C9orf153: variants seen among roughly 807,000 people sequenced by gnomAD.
C9orf153 encodes chromosome 9 open reading frame 153, also known as uncharacterized protein C9orf153.
A neutral mutation model predicts 9.0 loss-of-function variants in C9orf153; 10 were observed. The observed-to-expected ratio is 1.11, with a 90% CI of 0.69 to 1.89. C9orf153 has a LOEUF of 1.89. Among genes scored for constraint, C9orf153 ranks in the 40% most tolerant of loss-of-function variants. The pLI, the probability that C9orf153 is intolerant of heterozygous loss-of-function variation, is 0.00. For missense variants in C9orf153, 108 were observed against 111.0 expected, an observed-to-expected ratio of 0.97 and a Z score of 0.12; for synonymous variants, 35 against 37.3, an observed-to-expected ratio of 0.94 and a Z score of 0.23.
intron 1 of C9orf153, among the ~76,000 whole-genome samples, chr9:86,247,955 G>A (rs1055302400): frequency 1.3e-5 from 2 of 152,140 alleles, no homozygotes; most frequent in East Asian, 1.9e-4. Context: ...AAGCTGGCAG[G>A]AGGCTCTGCA....
At chr9:86,256,765 A>G (rs1825130196) in intron 1 of C9orf153, among the ~76,000 whole-genome samples, 1 of 152,202 alleles carries the variant, frequency 6.6e-6, no homozygotes, top group Non-Finnish European at 1.5e-5. Context: ...CAGCTGATAA[A>G]TTACCTAAAA....
At chr9:86,236,186 G>A (rs937384215) in intron 1 of C9orf153, among the ~76,000 whole-genome samples, 1 of 152,070 alleles carries the variant, frequency 6.6e-6, no homozygotes, top group Non-Finnish European at 1.5e-5. Flanking sequence ...GAATGAAATG[G>A]TTAAAGTGTT....
chr9:86,236,269 G>T (rs1824584029), intron 1 of C9orf153, among the ~76,000 whole-genome samples: 1 of 152,020 alleles, frequency 6.6e-6, no homozygotes, highest in Non-Finnish European at 1.5e-5. Context: ...AGAGAGAGAG[G>T]GCCAGGCGTG....
At position 86,227,922 on chromosome 9, in the gene C9orf153, T is replaced by C. The variant is rs1370817809; in HGVS notation, c.175A>G (p.Arg59Gly). 6.2e-7 allele frequency: 1 copy of C among 1,613,946 alleles called. No homozygotes were observed. Among genetic ancestry groups the C allele is most frequent in the East Asian group, 2.2e-5 (1 of 44,854 alleles). The change falls in exon 3 of 4, where the codon AGA (arginine) becomes GGA (glycine). Residue 59 changes from arginine to glycine, a missense_variant. Arg to Gly is a moderately radical substitution (Grantham distance 125, BLOSUM62 -2). Coordinates refer to ENST00000339137, the MANE Select transcript of C9orf153 (RefSeq NM_001276366.4). The stretch of plus-strand genomic sequence containing the variant: ...GTGAATGACATGACATTCAGGTTTC[T>C]AGCAAGTACTTCCTGTGCTTCGTTA... ...SLNEAQEVLA[R>G]NLNVMSFTRG...
chr9:86,255,118 C>T (rs1434638403), intron 1 of C9orf153, among the ~76,000 whole-genome samples: 1 of 151,648 alleles, frequency 6.6e-6, no homozygotes, highest in Non-Finnish European at 1.5e-5. Context: ...AATATATGGA[C>T]AATATATTTA....
At chr9:86,231,499 G>A (rs1824468119) in intron 1 of C9orf153, among the ~76,000 whole-genome samples, 1 of 150,606 alleles carries the variant, frequency 6.6e-6, no homozygotes, top group Non-Finnish European at 1.5e-5. Context: ...GGAATGAAGT[G>A]AAAACAATTA....
At chr9:86,238,860 A>G (rs1053326120) in intron 1 of C9orf153, among the ~76,000 whole-genome samples, 2 of 152,082 alleles carry the variant, frequency 1.3e-5, no homozygotes, top group Non-Finnish European at 2.9e-5. Context: ...AAATTACAAA[A>G]CTGTACAGAA....
At chr9:86,249,450 G>GT (rs1361205832) in intron 1 of C9orf153, among the ~76,000 whole-genome samples, 2 of 151,768 alleles carry the variant, frequency 1.3e-5, no homozygotes, top group Non-Finnish European at 2.9e-5. Context: ...TATACAATAC[G>GT]TATCAAAAGC....
intron 1 of C9orf153, among the ~76,000 whole-genome samples, chr9:86,239,183 C>T (rs995868722): frequency 1.3e-5 from 2 of 151,938 alleles, no homozygotes; most frequent in Non-Finnish European, 2.9e-5. Context: ...ATCACTTGAA[C>T]CCGGGAGGCG....
chr9:86,234,559 A>G (rs1824538601), intron 1 of C9orf153, among the ~76,000 whole-genome samples: 1 of 152,196 alleles, frequency 6.6e-6, no homozygotes. Context: ...CACAAAATGA[A>G]CCTAAAATGG....
chr9:86,231,566 C>A (rs1210298694), intron 1 of C9orf153, among the ~76,000 whole-genome samples: 2 of 144,564 alleles, frequency 1.4e-5, no homozygotes, highest in South Asian at 4.2e-4. Flanking sequence ...CACACACACA[C>A]AAAAACACAC....
At chr9:86,235,741 C>CAAAAAAAA (rs60165641) in intron 1 of C9orf153, among the ~76,000 whole-genome samples, 12 of 22,054 alleles carry the variant, frequency 5.4e-4, no homozygotes, top group East Asian at 5.0e-3. Context: ...GACTCCATCT[C>CAAAAAAAA]AAAAAAAAAA....
At chr9:86,238,282 G>C (rs898137196) in intron 1 of C9orf153, among the ~76,000 whole-genome samples, 5 of 152,130 alleles carry the variant, frequency 3.3e-5, no homozygotes, top group African/African-American at 1.2e-4. Flanking sequence ...TCAATCAACT[G>C]GATATAATTG....
In C9orf153 at chr9:86,221,495, C is replaced by T; in HGVS notation, c.*193G>A. On this transcript the variant is annotated 3_prime_UTR_variant, in exon 4 of 4. Coordinates refer to ENST00000339137, the MANE Select transcript of C9orf153 (RefSeq NM_001276366.4). ...TCTACGTCCAAAATATTTTAATACA[C>T]TACATATTCCATTTAAGAGAATAAC... 5 of 1,337,626 alleles carry T rather than the reference C, an allele frequency of 3.7e-6. No homozygotes were observed. Among genetic ancestry groups the T allele is most frequent in the Non-Finnish European group, 4.8e-6 (5 of 1,043,402 alleles). 82.9% of individuals were successfully genotyped at this position (1,337,626 alleles called of 1,614,324 possible).
At chr9:86,251,617 G>A (rs955007226) in intron 1 of C9orf153, among the ~76,000 whole-genome samples, 2 of 151,466 alleles carry the variant, frequency 1.3e-5, no homozygotes, top group Non-Finnish European at 2.9e-5. Flanking sequence ...TCAGTTTAGA[G>A]GTTTTGAAAG....
intron 1 of C9orf153, among the ~76,000 whole-genome samples, chr9:86,234,093 A>G (rs1470382807): frequency 6.6e-6 from 1 of 152,170 alleles, no homozygotes; most frequent in African/African-American, 2.4e-5. Flanking sequence ...AAAAAAAATG[A>G]TAATAATAAT....
rs1824200144 is a variant in C9orf153 at position 86,221,403 on chromosome 9, GATGTTCT to G, written c.*278_*284del. The G allele has an allele frequency of 2.1e-6, 1 of 465,656 alleles. No homozygotes were observed. 28.8% of individuals were successfully genotyped at this position (465,656 alleles called of 1,614,324 possible). ...ATGTGTGTTGTACACACTCACTTCA[GATGTTCT>G]ATTGGGTACTTGGCTTCTTTACTTT... is the stretch of plus-strand genomic sequence containing the variant. On this transcript the variant is annotated 3_prime_UTR_variant, in exon 4 of 4. Coordinates refer to ENST00000339137, the MANE Select transcript of C9orf153 (RefSeq NM_001276366.4).
At chr9:86,253,392 T>C (rs1825037104) in intron 1 of C9orf153, among the ~76,000 whole-genome samples, 1 of 152,224 alleles carries the variant, frequency 6.6e-6, no homozygotes, top group Non-Finnish European at 1.5e-5. Context: ...ACTCAAGATA[T>C]TTTGGGGACT....
At chr9:86,254,336 A>C (rs1049627923) in intron 1 of C9orf153, among the ~76,000 whole-genome samples, 1 of 152,198 alleles carries the variant, frequency 6.6e-6, no homozygotes, top group African/African-American at 2.4e-5. Flanking sequence ...TCAGATTTGC[A>C]TCTCATTTTG....
Sources: allele counts gnomAD v4.1 joint callset (sites outside exome capture counted in the v4.1 genomes callset), GRCh38; gene constraint gnomAD v4.1.1; transcripts MANE v1.5; gene names NCBI Gene and HGNC (gene_info 2026-07-23, HGNC 2026-07-21).